The following NFIA variants were observed in gnomAD, a reference collection of about 807,000 sequenced individuals.
NFIA encodes the protein nuclear factor 1 A-type.
A neutral mutation model predicts 62.8 loss-of-function variants in NFIA; 8 were observed. That is an observed-to-expected ratio of 0.13 (90% confidence interval 0.07 to 0.23). The LOEUF is 0.23. NFIA is among the 10% of genes least tolerant of loss of function. NFIA has a pLI of 1.00. For missense variants in NFIA, 410 were observed against 642.1 expected, an observed-to-expected ratio of 0.64 and a Z score of 3.91; for synonymous variants, 235 against 238.1, an observed-to-expected ratio of 0.99 and a Z score of 0.12.
chr1:61,400,553 T>C (rs1665500577), intron 7 of NFIA, among the ~76,000 whole-genome samples: 1 of 152,212 alleles, frequency 6.6e-6, no homozygotes, highest in South Asian at 2.1e-4. Flanking sequence ...GAGAAAAGCC[T>C]TTATTGACTC....
chr1:61,422,709 C>G (rs1666683106), intron 9 of NFIA, among the ~76,000 whole-genome samples: 1 of 149,644 alleles, frequency 6.7e-6, no homozygotes. Context: ...GAGTTTGAGA[C>G]CAGCCTGAGC....
chr1:61,238,429 G>A (rs902000650), intron 2 of NFIA, among the ~76,000 whole-genome samples: 1 of 152,088 alleles, frequency 6.6e-6, no homozygotes, highest in African/African-American at 2.4e-5. Flanking sequence ...AGACATCATC[G>A]GAAAAGAAAA....
At chr1:61,419,612 T>C (rs1330960268) in intron 9 of NFIA, among the ~76,000 whole-genome samples, 1 of 152,110 alleles carries the variant, frequency 6.6e-6, no homozygotes, top group Non-Finnish European at 1.5e-5. Context: ...TTCTATACTT[T>C]TTACCCCAAA....
At chr1:61,082,152 A>G, upstream of NFIA, 1 of 625,066 alleles carries the variant, frequency 1.6e-6, no homozygotes, top group Non-Finnish European at 2.3e-6. Flanking sequence ...GGGAGTACAG[A>G]CTGTAACTGC....
At chr1:61,126,704 C>T (rs1389593122) in intron 2 of NFIA, among the ~76,000 whole-genome samples, 1 of 150,446 alleles carries the variant, frequency 6.6e-6, no homozygotes, top group Non-Finnish European at 1.5e-5. Context: ...GTATAAGTTT[C>T]TGAAGTTGCA....
At chr1:61,447,206 T>G (rs964724085) in intron 10 of NFIA, among the ~76,000 whole-genome samples, 2 of 152,340 alleles carry the variant, frequency 1.3e-5, no homozygotes, top group East Asian at 1.9e-4. Context: ...CTAGGCTGCT[T>G]CTTCATTTTT....
intron 6 of NFIA, among the ~76,000 whole-genome samples, chr1:61,379,901 TGC>T (rs1013566624): frequency 3.3e-5 from 5 of 152,284 alleles, no homozygotes; most frequent in African/African-American, 1.2e-4. Context: ...TTGTGAATAG[TGC>T]ATTTGACCTG....
intron 3 of NFIA, among the ~76,000 whole-genome samples, chr1:61,301,897 C>T (rs1659514898): frequency 6.6e-6 from 1 of 152,186 alleles, no homozygotes; most frequent in East Asian, 1.9e-4. Flanking sequence ...AACAACAATG[C>T]TGTTTCCTAA....
intron 2 of NFIA, among the ~76,000 whole-genome samples, chr1:61,195,840 T>C (rs916290350): frequency 1.3e-5 from 2 of 152,170 alleles, no homozygotes; most frequent in African/African-American, 4.8e-5. Flanking sequence ...TTTATTAACT[T>C]AGTTCTTGTG....
intron 9 of NFIA, among the ~76,000 whole-genome samples, chr1:61,418,465 GA>G (rs35438395): frequency 0.013 from 1,914 of 146,914 alleles, 25 homozygotes; most frequent in African/African-American, 0.031. Flanking sequence ...TCTCAAAAAA[GA>G]AAAAAAAAAT....
intron 2 of NFIA, among the ~76,000 whole-genome samples, chr1:61,195,236 C>T (rs1264509480): frequency 6.6e-6 from 1 of 152,012 alleles, no homozygotes; most frequent in African/African-American, 2.4e-5. Flanking sequence ...TAATTTTGCT[C>T]AATTGGGATT....
At chr1:61,401,596 A>G (rs1665559319) in intron 7 of NFIA, among the ~76,000 whole-genome samples, 1 of 152,074 alleles carries the variant, frequency 6.6e-6, no homozygotes, top group African/African-American at 2.4e-5. Flanking sequence ...CCGTGATTTC[A>G]TAATCTAACA....
At chr1:61,419,788 A>G (rs1166773401) in intron 9 of NFIA, among the ~76,000 whole-genome samples, 1 of 152,178 alleles carries the variant, frequency 6.6e-6, no homozygotes, top group Non-Finnish European at 1.5e-5. Flanking sequence ...AAGCATTGCT[A>G]ATATATTTAA....
At chr1:61,380,831 AAAG>A (rs1269592642) in intron 6 of NFIA, among the ~76,000 whole-genome samples, 2 of 152,154 alleles carry the variant, frequency 1.3e-5, no homozygotes, top group East Asian at 1.9e-4. Flanking sequence ...TAACCCTTGC[AAAG>A]AAGATTTAAA....
At chr1:61,100,126 G>A (rs985375348) in intron 2 of NFIA, among the ~76,000 whole-genome samples, 4 of 152,200 alleles carry the variant, frequency 2.6e-5, no homozygotes, top group African/African-American at 9.6e-5. Flanking sequence ...AGAAACTAGA[G>A]CTTTTTCTTT....
At position 61,456,670 on chromosome 1, in the gene NFIA, G is replaced by C. The variant is rs146622938; in HGVS notation, c.*1350G>C. On this transcript the variant is annotated 3_prime_UTR_variant, in exon 11 of 11. Transcript: ENST00000403491. ...AACTGGGCTATGGGAAATAATAATA[G>C]TAATAATAATAATAATAATAATGAT... The C allele has an allele frequency of 2.1e-4, 30 of 142,828 alleles. No individual in the cohort carries two copies. The highest frequency in any genetic ancestry group is 7.9e-4 in the African/African-American group (30 of 38,002). The allele number at this position is 142,828 out of a possible 1,614,324, so 8.8% of individuals were successfully genotyped here.
chr1:61,249,103 A>G (rs980371928), intron 2 of NFIA: 1 of 152,242 alleles, frequency 6.6e-6, no homozygotes, highest in Non-Finnish European at 1.5e-5. Flanking sequence ...CTTTTATGAC[A>G]TACATCCTGA....
At chr1:61,087,235 C>T (rs1646233962) in intron 1 of NFIA, among the ~76,000 whole-genome samples, 1 of 151,732 alleles carries the variant, frequency 6.6e-6, no homozygotes, top group South Asian at 2.1e-4. Context: ...ATTGAAAATA[C>T]CAGGTTCTGA....
chr1:61,125,543 T>C (rs1646953308), intron 2 of NFIA, among the ~76,000 whole-genome samples: 1 of 152,142 alleles, frequency 6.6e-6, no homozygotes, highest in Admixed American at 6.6e-5. Context: ...CACAAAGAGA[T>C]CCTGGAACGT....
Sources: gnomAD v4.1 joint callset for allele counts (sites outside exome capture counted in the v4.1 genomes callset) on GRCh38, gnomAD v4.1.1 for gene constraint, MANE v1.5 for transcripts, NCBI Gene and HGNC (gene_info 2026-07-23, HGNC 2026-07-21) for gene names.